CAST: variants seen among roughly 807,000 people sequenced by gnomAD.
The protein encoded by CAST is calpastatin.
In CAST, 76 loss-of-function variants were observed where a neutral mutation model predicts 119.6. The ratio of observed to expected loss-of-function variants is 0.64; its 90% CI spans 0.53 to 0.77. The LOEUF (loss-of-function observed/expected upper bound fraction) is 0.77. CAST is among the 30% of genes least tolerant of loss of function. The pLI is 0.00. For missense variants in CAST, 953 were observed against 946.5 expected (o/e 1.01, Z -0.09); for synonymous variants, 319 against 331.6 (o/e 0.96, Z 0.41).
At chr5:96,604,133 T>C (rs1316610781) in intron 1 of CAST, among the ~76,000 whole-genome samples, 2 of 152,146 alleles carry the variant, frequency 1.3e-5, no homozygotes, top group African/African-American at 4.8e-5. Context: ...GAGTAATGCA[T>C]TGTGCTACAA....
chr5:96,168,784 G>A, the CAST span, among the ~76,000 whole-genome samples: 8 of 152,166 alleles, frequency 5.3e-5, no homozygotes, highest in Non-Finnish European at 1.2e-4. Context: ...GTCCGGGCCA[G>A]GAACAATGGT....
At chr5:96,143,473 T>C in the CAST span, among the ~76,000 whole-genome samples, 1 of 152,242 alleles carries the variant, frequency 6.6e-6, no homozygotes, top group East Asian at 1.9e-4. Context: ...TTAACTTTTC[T>C]TACAGAAGCT....
At chr5:96,627,376 A>G (rs1185512103) in intron 1 of CAST, among the ~76,000 whole-genome samples, 1 of 152,226 alleles carries the variant, frequency 6.6e-6, no homozygotes, top group Non-Finnish European at 1.5e-5. Flanking sequence ...ATTTTGGGCT[A>G]TTTAAAAGAC....
At chr5:96,276,927 T>C in the CAST span, among the ~76,000 whole-genome samples, 1,961 of 152,350 alleles carry the variant, frequency 0.013, 12 homozygotes, top group Non-Finnish European at 0.019. Context: ...AAAGTTTACA[T>C]AGATGGAATC....
chr5:96,662,541 T>A, intron 1 of CAST, 44 bp downstream of exon 1: 1 of 1,335,696 alleles, frequency 7.5e-7, no homozygotes, highest in Non-Finnish European at 9.5e-7. Flanking sequence ...GGCGATGGGG[T>A]ACCGGGTCCC....
intron 1 of CAST, among the ~76,000 whole-genome samples, chr5:96,547,467 T>C (rs1746038965): frequency 6.6e-6 from 1 of 152,244 alleles, no homozygotes; most frequent in South Asian, 2.1e-4. Context: ...TTCACCCTTC[T>C]TCTGCCTTTT....
At chr5:96,423,771 T>G in the CAST span, among the ~76,000 whole-genome samples, 1 of 152,236 alleles carries the variant, frequency 6.6e-6, no homozygotes, top group African/African-American at 2.4e-5. Flanking sequence ...AATAACATGC[T>G]CAACCCTTTC....
At chr5:96,378,455 C>T in the CAST span, among the ~76,000 whole-genome samples, 1 of 152,022 alleles carries the variant, frequency 6.6e-6, no homozygotes, top group African/African-American at 2.4e-5. Flanking sequence ...AAGTTGTACA[C>T]TTAAATATAT....
the CAST span, among the ~76,000 whole-genome samples, chr5:96,440,698 A>G: frequency 1.3e-5 from 2 of 152,152 alleles, no homozygotes; most frequent in East Asian, 1.9e-4. Flanking sequence ...CATGGGGGAA[A>G]TGTCAGGGTT....
the CAST span, among the ~76,000 whole-genome samples, chr5:96,495,903 G>A: frequency 1.3e-5 from 2 of 152,170 alleles, no homozygotes; most frequent in Admixed American, 1.3e-4. Context: ...AAGAAGTGAA[G>A]TTTCTTTAGC....
the CAST span, among the ~76,000 whole-genome samples, chr5:96,210,936 G>T: frequency 6.6e-6 from 1 of 151,858 alleles, no homozygotes; most frequent in Non-Finnish European, 1.5e-5. Context: ...TTGAGTGATT[G>T]TAAGTTGTAT....
chr5:96,250,825 T>A, the CAST span, among the ~76,000 whole-genome samples: 1 of 152,176 alleles, frequency 6.6e-6, no homozygotes, highest in Non-Finnish European at 1.5e-5. Context: ...TACATCTGTC[T>A]CTGGAAAGTT....
At chr5:96,179,604 A>C in the CAST span, among the ~76,000 whole-genome samples, 1 of 152,340 alleles carries the variant, frequency 6.6e-6, no homozygotes, top group African/African-American at 2.4e-5. Context: ...ACAAAGTGAC[A>C]CAGAGAAGGC....
At chr5:96,590,739 C>A (rs1212696408) in intron 1 of CAST, among the ~76,000 whole-genome samples, 1 of 152,174 alleles carries the variant, frequency 6.6e-6, no homozygotes, top group Non-Finnish European at 1.5e-5. Flanking sequence ...TATTCTCCAA[C>A]TCCTTGCAAA....
chr5:96,341,319 C>T, the CAST span, among the ~76,000 whole-genome samples: 1 of 150,606 alleles, frequency 6.6e-6, no homozygotes, highest in Non-Finnish European at 1.5e-5. Context: ...TTCCTGCCCA[C>T]TCCCATCCCC....
chr5:96,454,010 T>A, the CAST span, among the ~76,000 whole-genome samples: 1 of 152,230 alleles, frequency 6.6e-6, no homozygotes, highest in Non-Finnish European at 1.5e-5. Context: ...CTTCAAGACC[T>A]GCATAATTTC....
In CAST at chr5:96,675,622, C is replaced by A. The variant is rs752204947; in HGVS notation, c.138+21C>A. 5.8e-6 allele frequency: 9 copies of A among 1,543,076 alleles called. No homozygotes were observed. In the Admixed American group the frequency reaches 1.4e-4, roughly 23 times the overall value. On this transcript the variant is annotated intron_variant, in intron 2 of 31. Coordinates refer to ENST00000675179, the MANE Select transcript of CAST (RefSeq NM_001750.7). ...ATGAGGTAATTTCCACAATACTGGG[C>A]TTTCATTTTCTCTTGCTTTTAAACT...
chr5:96,194,713 A>T, the CAST span, among the ~76,000 whole-genome samples: 1 of 152,212 alleles, frequency 6.6e-6, no homozygotes, highest in Non-Finnish European at 1.5e-5. Flanking sequence ...GATTGAATAA[A>T]CTTAGCCATA....
At chr5:96,437,016 A>T in the CAST span, among the ~76,000 whole-genome samples, 2 of 152,364 alleles carry the variant, frequency 1.3e-5, no homozygotes, top group African/African-American at 4.8e-5. Flanking sequence ...GGTGGTGGAC[A>T]CGACTTGGTT....
Sources: allele counts gnomAD v4.1 joint callset (sites outside exome capture counted in the v4.1 genomes callset), GRCh38; gene constraint gnomAD v4.1.1; transcripts MANE v1.5; gene names NCBI Gene and HGNC (gene_info 2026-07-23, HGNC 2026-07-21).